FARS2: variants seen among roughly 807,000 people sequenced by gnomAD.
FARS2 encodes the protein phenylalanine--tRNA ligase, mitochondrial.
A neutral mutation model predicts 46.4 loss-of-function variants in FARS2; 40 were observed. The observed-to-expected ratio is 0.86, with a 90% CI of 0.67 to 1.12. The LOEUF (loss-of-function observed/expected upper bound fraction) is 1.12. Among genes scored for constraint, FARS2 ranks in the 50% most tolerant of loss-of-function variants. FARS2 has a pLI of 0.00. For synonymous variants in FARS2, 234 were observed against 214.9 expected, an observed-to-expected ratio of 1.09 and a Z score of -0.78; for missense variants, 513 against 567.9, an observed-to-expected ratio of 0.90 and a Z score of 0.98.
intron 6 of FARS2, among the ~76,000 whole-genome samples, chr6:5,622,965 T>A (rs1775849606): frequency 6.6e-6 from 1 of 152,166 alleles, no homozygotes; most frequent in Non-Finnish European, 1.5e-5. Context: ...CTGGAAATAG[T>A]TTATGAGAAG....
intron 5 of FARS2, among the ~76,000 whole-genome samples, chr6:5,552,174 T>A (rs1771407871): frequency 6.6e-6 from 1 of 152,212 alleles, no homozygotes; most frequent in Non-Finnish European, 1.5e-5. Flanking sequence ...CATTTTTAAC[T>A]ATTTATGTAG....
intron 4 of FARS2, among the ~76,000 whole-genome samples, chr6:5,543,729 C>T (rs923894263): frequency 6.6e-6 from 1 of 152,050 alleles, no homozygotes; most frequent in Admixed American, 6.6e-5. Context: ...TCTTGTGGCT[C>T]GTTGAGACGA....
intron 3 of FARS2, among the ~76,000 whole-genome samples, chr6:5,425,572 A>G (rs956805872): frequency 6.6e-6 from 1 of 152,180 alleles, no homozygotes; most frequent in African/African-American, 2.4e-5. Context: ...AAGGTGCAGA[A>G]GTCGGGAGGC....
At chr6:5,722,492 G>A (rs1561821206) in intron 6 of FARS2, among the ~76,000 whole-genome samples, 1 of 152,232 alleles carries the variant, frequency 6.6e-6, no homozygotes. Context: ...GAAAGGCTGC[G>A]GAGGCAGTGA....
chr6:5,362,738 C>A (rs1758385039), intron 1 of FARS2, among the ~76,000 whole-genome samples: 2 of 152,138 alleles, frequency 1.3e-5, no homozygotes, highest in South Asian at 4.1e-4. Flanking sequence ...TCCTCACCAA[C>A]ACTTACCTTT....
chr6:5,277,257 A>G (rs866516041), intron 1 of FARS2, among the ~76,000 whole-genome samples: 1 of 150,988 alleles, frequency 6.6e-6, no homozygotes, highest in Non-Finnish European at 1.5e-5. Flanking sequence ...TCACATGTAG[A>G]TATTTGACTT....
intron 1 of FARS2, among the ~76,000 whole-genome samples, chr6:5,364,279 C>T (rs1054667350): frequency 6.6e-6 from 1 of 152,146 alleles, no homozygotes; most frequent in South Asian, 2.1e-4. Flanking sequence ...CAGATGAGAA[C>T]CTTGAGGCCA....
chr6:5,320,275 T>G (rs1192485018), intron 1 of FARS2, among the ~76,000 whole-genome samples: 2 of 151,442 alleles, frequency 1.3e-5, no homozygotes, highest in African/African-American at 4.9e-5. Context: ...CCTAACGATC[T>G]GCTGCTCTCC....
At chr6:5,379,956 T>C (rs1759648966) in intron 2 of FARS2, among the ~76,000 whole-genome samples, 1 of 152,242 alleles carries the variant, frequency 6.6e-6, no homozygotes, top group Non-Finnish European at 1.5e-5. Flanking sequence ...GTGTAGGTGA[T>C]AAGTGACAGA....
intron 6 of FARS2, among the ~76,000 whole-genome samples, chr6:5,652,288 T>G (rs756562289): frequency 1.3e-5 from 2 of 152,216 alleles, no homozygotes; most frequent in Non-Finnish European, 2.9e-5. Context: ...GTAGGTCGTC[T>G]GGGCAGACTG....
Position 5,582,503 on chromosome 6 carries a change from G to C in FARS2, c.1066-30666G>C, listed in dbSNP as rs140969289. Among the ~76,000 whole-genome samples, 7 of 152,332 alleles carry C rather than the reference G, an allele frequency of 4.6e-5. No homozygotes were observed. In the East Asian group the frequency reaches 1.2e-3, roughly 25 times the overall value. On this transcript the variant is annotated intron_variant, in intron 5 of 6. Transcript: ENST00000274680. ...GTCCCATTTTGCAGATGAGGGAACT[G>C]ACATTTAGAGAATTTAGACATCTGT...
intron 1 of FARS2, among the ~76,000 whole-genome samples, chr6:5,323,597 G>T (rs972123798): frequency 6.6e-6 from 1 of 152,176 alleles, no homozygotes; most frequent in African/African-American, 2.4e-5. Context: ...CTGCCATCCA[G>T]AATCTTACCA....
chr6:5,701,171 C>T (rs970379675), intron 6 of FARS2, among the ~76,000 whole-genome samples: 1 of 152,250 alleles, frequency 6.6e-6, no homozygotes, highest in African/African-American at 2.4e-5. Flanking sequence ...TGGGCGCCAG[C>T]CTTGGGAGGC....
At chr6:5,760,106 G>A (rs1189456181) in intron 6 of FARS2, among the ~76,000 whole-genome samples, 1 of 152,118 alleles carries the variant, frequency 6.6e-6, no homozygotes, top group East Asian at 1.9e-4. Context: ...AAATAACAGT[G>A]TCATTGGAAA....
intron 6 of FARS2, among the ~76,000 whole-genome samples, chr6:5,763,673 C>G (rs1762600757): frequency 6.6e-6 from 1 of 151,848 alleles, no homozygotes; most frequent in African/African-American, 2.4e-5. Flanking sequence ...GTGTCCTCTT[C>G]TTGCATTAAG....
intron 4 of FARS2, among the ~76,000 whole-genome samples, chr6:5,514,594 TTAGC>T (rs1315733877): frequency 6.6e-6 from 1 of 152,208 alleles, no homozygotes; most frequent in Non-Finnish European, 1.5e-5. Context: ...AGTTTGTAAA[TTAGC>T]TATTGCTGTG....
At chr6:5,257,720 C>T (rs1300401013), upstream of FARS2, among the ~76,000 whole-genome samples, 1 of 152,164 alleles carries the variant, frequency 6.6e-6, no homozygotes, top group Non-Finnish European at 1.5e-5. Context: ...TTATGAGAAT[C>T]TAATGCCTGA....
chr6:5,578,555 A>G (rs186626998), intron 5 of FARS2, among the ~76,000 whole-genome samples: 16 of 152,208 alleles, frequency 1.1e-4, no homozygotes, highest in Non-Finnish European at 2.2e-4. Context: ...CACCCCAGTA[A>G]TCCCAGCACT....
chr6:5,431,923 A>G (rs1378836747), intron 4 of FARS2: 2 of 191,156 alleles, frequency 1.0e-5, no homozygotes, highest in Admixed American at 1.1e-4. Context: ...ATTTTTTTTA[A>G]GTCACTATCT....
Sources: gnomAD v4.1 joint callset for allele counts (sites outside exome capture counted in the v4.1 genomes callset) on GRCh38, gnomAD v4.1.1 for gene constraint, MANE v1.5 for transcripts, NCBI Gene and HGNC (gene_info 2026-07-23, HGNC 2026-07-21) for gene names.